CATSPER2: variants seen among roughly 807,000 people sequenced by gnomAD.
The protein encoded by CATSPER2 is cation channel sperm-associated protein 2.
In CATSPER2, 56 loss-of-function variants were observed where a neutral mutation model predicts 68.8. That is an observed-to-expected ratio of 0.81 (90% confidence interval 0.66 to 1.02). The LOEUF (loss-of-function observed/expected upper bound fraction) is 1.02. Ranked by LOEUF, CATSPER2 falls within the 50% of genes least tolerant of loss-of-function variation. CATSPER2 has a pLI of 0.00. For missense variants in CATSPER2, 582 were observed against 642.0 expected (o/e 0.91, Z 1.01); for synonymous variants, 198 against 229.9 (o/e 0.86, Z 1.26).
At position 43,635,666 on chromosome 15, in the gene CATSPER2, A is replaced by T; in HGVS notation, c.1121+61T>A. ...AAAAGTGGGGTCGAGAAGTAGAAACAAGAAATGAGCTCAGGAAACCCTTGA... is the reference window on the plus strand; with the variant it reads ...AAAAGTGGGGTCGAGAAGTAGAAACTAGAAATGAGCTCAGGAAACCCTTGA... On this transcript the variant is annotated intron_variant, in intron 9 of 12. Coordinates refer to ENST00000396879, the MANE Select transcript of CATSPER2 (RefSeq NM_172095.4). 6.7e-7 allele frequency: 1 copy of T among 1,502,116 alleles called. No homozygotes were observed. Among genetic ancestry groups the T allele is most frequent in the South Asian group, 1.2e-5 (1 of 86,950 alleles). 93.0% of individuals were successfully genotyped at this position (1,502,116 alleles called of 1,614,324 possible). A position where few individuals can be genotyped will look rare whatever the true frequency, so the allele number is the denominator to read the frequency against.
At chr15:43,647,024 C>G (rs1567133817) in intron 4 of CATSPER2, 26 bp downstream of exon 4, 6 of 1,596,068 alleles carry the variant, frequency 3.8e-6, no homozygotes, top group Middle Eastern at 3.3e-4. Flanking sequence ...GCCTCACTTC[C>G]TCTTTCATAC....
rs1255035038 is a variant in CATSPER2, at chr15:43,639,002, C to T, written c.744G>A (p.Leu248=). The T allele has an allele frequency of 1.6e-5, 26 of 1,612,598 alleles. No homozygotes were observed. Among genetic ancestry groups the T allele is most frequent in the Non-Finnish European group, 2.1e-5 (25 of 1,179,282 alleles). ...LKSMTFLLML[L]LIFFYIFAVT... ...CAGCAAAAATGTAGAAGAAGATGAG[C>T]AGCAACATCAAGAGGAAGGTCATGC... Residue 248 remains leucine, a synonymous_variant, in exon 7 of 13, where the codon CTG becomes CTA. Coordinates refer to ENST00000396879, the MANE Select transcript of CATSPER2 (RefSeq NM_172095.4).
intron 11 of CATSPER2, 140 bp downstream of exon 11, chr15:43,632,577 T>G: frequency 1.3e-6 from 2 of 1,541,034 alleles, no homozygotes; most frequent in Non-Finnish European, 1.8e-6. Flanking sequence ...CAGGGGAAAT[T>G]AAGAAGCAAA....
chr15:43,630,872 T>C, intron 12 of CATSPER2, 140 bp from the exon 13 acceptor site: 4 of 1,552,938 alleles, frequency 2.6e-6, no homozygotes, highest in Non-Finnish European at 3.5e-6. Context: ...TATGATTCTG[T>C]GTACTCTTTG....
At chr15:43,636,834 C>CT (rs57237932) in intron 7 of CATSPER2, among the ~76,000 whole-genome samples, 3,076 of 142,804 alleles carry the variant, frequency 0.022, 167 homozygotes, top group Admixed American at 0.12. Context: ...ATTTTTTTTT[C>CT]TTTTTTTTTT....
intron 5 of CATSPER2, 97 bp from the exon 6 acceptor site, chr15:43,639,895 G>T: frequency 1.2e-6 from 2 of 1,603,550 alleles, no homozygotes; most frequent in Non-Finnish European, 1.7e-6. Flanking sequence ...TTCCCTGGGC[G>T]TTATCCCTTG....
At chr15:43,634,735 A>T (rs1031873161) in intron 10 of CATSPER2, 8 of 152,942 alleles carry the variant, frequency 5.2e-5, no homozygotes, top group African/African-American at 1.9e-4. Flanking sequence ...TTTTTTGTCC[A>T]CTGCTAAACA....
intron 4 of CATSPER2, among the ~76,000 whole-genome samples, chr15:43,644,147 C>A (rs534667161): frequency 1.3e-5 from 2 of 151,872 alleles, no homozygotes; most frequent in Non-Finnish European, 2.9e-5. Flanking sequence ...TTACCAATAT[C>A]CAGTTGTGGA....
At chr15:43,641,036 A>C (rs770821511) in intron 4 of CATSPER2, among the ~76,000 whole-genome samples, 6 of 151,870 alleles carry the variant, frequency 4.0e-5, no homozygotes, top group South Asian at 2.1e-4. Context: ...CCTGCCTAAA[A>C]TTTTGCTCTG....
chr15:43,639,755 T>C lies in CATSPER2; in HGVS notation c.605A>G (p.Gln202Arg), dbSNP rs541095848. 11 of 1,612,162 alleles carry C rather than the reference T, an allele frequency of 6.8e-6. No homozygotes were observed. The highest frequency in any genetic ancestry group is 9.3e-6 in the Non-Finnish European group (11 of 1,178,778). Residue 202 changes from glutamine (Q) to arginine (R), a missense_variant, in exon 6 of 13, where the codon CAA becomes CGA. Coordinates refer to ENST00000396879, the MANE Select transcript of CATSPER2 (RefSeq NM_172095.4). ...EVVVLVGVTG[Q>R]SVWLQLLRIC... ...CCTCAGAAGCTGAAGCCACACCGAT[T>C]GGCCTGTTACCCCTACCAATACCAC...
At chr15:43,648,362 A>T (rs945110574) in intron 1 of CATSPER2, among the ~76,000 whole-genome samples, 3 of 152,040 alleles carry the variant, frequency 2.0e-5, no homozygotes, top group Non-Finnish European at 2.9e-5. Flanking sequence ...AAACAAAAAC[A>T]CCGCAAGAAA....
chr15:43,632,093 A>G, intron 12 of CATSPER2, 106 bp downstream of exon 12: 2 of 1,292,092 alleles, frequency 1.5e-6, no homozygotes, highest in African/African-American at 2.9e-5. Context: ...GTAGGCAGAA[A>G]TTGAGAAGCT....
chr15:43,640,872 A>G (rs2086059984), intron 4 of CATSPER2, among the ~76,000 whole-genome samples: 1 of 151,622 alleles, frequency 6.6e-6, no homozygotes, highest in Non-Finnish European at 1.5e-5. Flanking sequence ...CAAGAAAGCA[A>G]TGGGTCTTGA....
rs776044848 is a variant in CATSPER2 at position 43,647,166 on chromosome 15, T to C, written c.320-48A>G. 4 of 1,582,116 alleles carry C rather than the reference T, an allele frequency of 2.5e-6. No individual in the cohort carries two copies. The African/African-American group carries it at 5.4e-5, about 21-fold the overall frequency. The stretch of plus-strand genomic sequence containing the variant: ...ACAGAGTGGAGTTCTTTCTGATTTA[T>C]GCAGCTGAAATAATAAGAGCAATAA... On this transcript the variant is annotated intron_variant, in intron 3 of 12. Coordinates refer to ENST00000396879, the MANE Select transcript of CATSPER2 (RefSeq NM_172095.4).
upstream of CATSPER2, chr15:43,648,875 G>A (rs1471576700): frequency 1.3e-6 from 2 of 1,492,116 alleles, no homozygotes; most frequent in East Asian, 2.6e-5. Flanking sequence ...CCTAGGCCCC[G>A]CCCCGCCCCG....
At chr15:43,635,998 C>T in intron 8 of CATSPER2, 43 bp downstream of exon 8, 1 of 1,403,788 alleles carries the variant, frequency 7.1e-7, no homozygotes, top group Non-Finnish European at 9.9e-7. Context: ...TAACTTTTTC[C>T]CAACCACACT....
At chr15:43,632,413 G>A (rs755399657) in intron 11 of CATSPER2, 50 bp from the exon 12 acceptor site, 1 of 1,599,850 alleles carries the variant, frequency 6.3e-7, no homozygotes, top group Non-Finnish European at 8.5e-7. Context: ...GTAAAAGTTG[G>A]GTAAGAGCTG....
rs1261791426 is a variant in CATSPER2, at chr15:43,639,011, C to G, written c.735G>C (p.Leu245Phe). Residue 245 changes from leucine (L) to phenylalanine (F), a missense_variant, in exon 7 of 13, where the codon TTG becomes TTC. Around this residue, in one of 5 missense-constraint regions of CATSPER2, gnomAD observed 91 missense variants for 72.8 expected, o/e 1.25. Transcript: ENST00000396879. ...VRALKSMTFL[L>F]MLLLIFFYIF... is the part of the protein sequence containing the mutation. ...TGTAGAAGAAGATGAGCAGCAACAT[C>G]AAGAGGAAGGTCATGCTCTAGAGGC... 1 of 1,612,670 alleles carries G rather than the reference C, an allele frequency of 6.2e-7. No homozygotes were observed. The highest frequency in any genetic ancestry group is 1.7e-5 in the Admixed American group (1 of 59,930).
chr15:43,644,384 C>T (rs2086124530), intron 4 of CATSPER2, among the ~76,000 whole-genome samples: 1 of 151,942 alleles, frequency 6.6e-6, no homozygotes. Flanking sequence ...TCTAGTCTGG[C>T]AATCTACTTA....
Sources: gnomAD v4.1 joint callset for allele counts (sites outside exome capture counted in the v4.1 genomes callset) on GRCh38, gnomAD v4.1.1 for gene constraint, gnomAD v4.1.1 regional missense constraint, MANE v1.5 for transcripts, NCBI Gene and HGNC (gene_info 2026-07-23, HGNC 2026-07-21) for gene names.